The following KCNA2 variants were observed in gnomAD, a reference collection of about 807,000 sequenced individuals.
KCNA2 encodes potassium channel, voltage gated shaker related subfamily A, member 2.
Under a neutral mutation model 33.4 loss-of-function variants are expected in KCNA2, and 11 were observed. The ratio of observed to expected loss-of-function variants is 0.33; its 90% CI spans 0.21 to 0.55. The LOEUF (loss-of-function observed/expected upper bound fraction) is 0.55, where lower values mean the gene tolerates loss of function less well. Ranked by LOEUF, KCNA2 falls within the 20% of genes least tolerant of loss-of-function variation. The pLI is 0.93. For missense variants in KCNA2, 291 were observed against 621.6 expected, an observed-to-expected ratio of 0.47 and a Z score of 5.66; for synonymous variants, 222 against 231.3, an observed-to-expected ratio of 0.96 and a Z score of 0.37.
chr1:110,612,814 G>A (rs971991649), intron 1 of KCNA2, among the ~76,000 whole-genome samples: 1 of 152,218 alleles, frequency 6.6e-6, no homozygotes, highest in African/African-American at 2.4e-5. Context: ...CATCCTGGAA[G>A]TCCACACTGG....
At chr1:110,613,956 C>T (rs1649969094) in intron 1 of KCNA2, among the ~76,000 whole-genome samples, 1 of 152,218 alleles carries the variant, frequency 6.6e-6, no homozygotes, top group African/African-American at 2.4e-5. Context: ...CCAGCTTCTG[C>T]TCACACGTGC....
Position 110,594,223 on chromosome 1 carries a change from C to T in KCNA2, c.*9060G>A. ...TGCACAAGCAGCAAGGAAGCCAGTGCAAACCCTAACTGGAGTCTGTGCTGC... is the reference window on the plus strand; with the variant it reads ...TGCACAAGCAGCAAGGAAGCCAGTGTAAACCCTAACTGGAGTCTGTGCTGC... On this transcript the variant is annotated 3_prime_UTR_variant, in exon 3 of 3. Coordinates refer to ENST00000316361, the MANE Select transcript of KCNA2 (RefSeq NM_004974.4). 8.9e-7 allele frequency: 1 copy of T among 1,119,200 alleles called. No individual in the cohort carries two copies. Among genetic ancestry groups the T allele is most frequent in the Non-Finnish European group, 1.1e-6 (1 of 914,708 alleles). The allele number at this position is 1,119,200 out of a possible 1,614,324, so 69.3% of individuals were successfully genotyped here.
Position 110,603,268 on chromosome 1 carries a change from G to A in KCNA2, c.*15C>T, listed in dbSNP as rs755659928. 20 of 1,586,602 alleles carry A rather than the reference G, an allele frequency of 1.3e-5. No individual in the cohort carries two copies. The highest frequency in any genetic ancestry group is 1.7e-4 in the Middle Eastern group (1 of 5,928). On this transcript the variant is annotated 3_prime_UTR_variant, in exon 3 of 3. Transcript: ENST00000316361. The surrounding 1 kb of genome is among the most constrained non-coding windows in gnomAD (Gnocchi z 5.7). ...ATTAGTTCCATTGAGCTGTGAGTACGGTAATAGGTTTCAATCAGACATCAG... is the reference window on the plus strand; with the variant it reads ...ATTAGTTCCATTGAGCTGTGAGTACAGTAATAGGTTTCAATCAGACATCAG...
At chr1:110,607,552 C>G (rs1198841037), upstream of KCNA2, 1 of 152,244 alleles carries the variant, frequency 6.6e-6, no homozygotes, top group Non-Finnish European at 1.5e-5. Context: ...CGGGCCTCAG[C>G]CCCCGCCCCG....
upstream of KCNA2, among the ~76,000 whole-genome samples, chr1:110,610,432 T>C (rs1649826968): frequency 6.6e-6 from 1 of 152,108 alleles, no homozygotes; most frequent in East Asian, 1.9e-4. Context: ...CAGTCCCCAC[T>C]CACTCACAGG....
Position 110,595,364 on chromosome 1 carries a change from T to A in KCNA2, c.*7919A>T, listed in dbSNP as rs1346760993. The A allele has an allele frequency of 1.2e-5, 12 of 985,288 alleles. No homozygotes were observed. Among genetic ancestry groups the A allele is most frequent in the African/African-American group, 1.7e-5 (1 of 57,210 alleles). The allele number at this position is 985,288 out of a possible 1,614,324, so 61.0% of individuals were successfully genotyped here. A position where few individuals can be genotyped will look rare whatever the true frequency, so the allele number is the denominator to read the frequency against. Reference sequence around the variant, plus strand: ...GAAGTAGCCATCCAGACAGGCCACCTCAACTGCCTCAGTGCACCAGCTGGT... The same window carrying A: ...GAAGTAGCCATCCAGACAGGCCACCACAACTGCCTCAGTGCACCAGCTGGT... On this transcript the variant is annotated 3_prime_UTR_variant, in exon 3 of 3. Coordinates refer to ENST00000316361, the MANE Select transcript of KCNA2 (RefSeq NM_004974.4).
rs530034982 is a variant in KCNA2, at chr1:110,596,552, C to G, written c.*6731G>C. 184 of 220,136 alleles carry G rather than the reference C, an allele frequency of 8.4e-4. 1 individual carries two copies. The Middle Eastern group carries it at 0.014, about 17-fold the overall frequency. The allele number at this position is 220,136 out of a possible 1,614,324, so 13.6% of individuals were successfully genotyped here. ...TGTAGCCAGCAGCCATTCAGCCTGT[C>G]TCTTTGGTCTTCTCTACCTATGTCC... On this transcript the variant is annotated 3_prime_UTR_variant, in exon 3 of 3. Transcript: ENST00000316361.
In KCNA2 at chr1:110,597,363, A is replaced by G; in HGVS notation, c.*5920T>C. On this transcript the variant is annotated 3_prime_UTR_variant, in exon 3 of 3. Transcript: ENST00000316361. ...GTGCTTTCGTGTAGGCTTCCATTAC[A>G]TCTGCCAGACTGAGGGAAAGTCAAC... 1.0e-6 allele frequency: 1 copy of G among 985,370 alleles called. No individual in the cohort carries two copies. The highest frequency in any genetic ancestry group is 1.2e-6 in the Non-Finnish European group (1 of 829,916). The allele number at this position is 985,370 out of a possible 1,614,324, so 61.0% of individuals were successfully genotyped here. A position where few individuals can be genotyped will look rare whatever the true frequency, so the allele number is the denominator to read the frequency against.
chr1:110,593,740 T>C lies in KCNA2; in HGVS notation c.*9543A>G. 3 of 813,906 alleles carry C rather than the reference T, an allele frequency of 3.7e-6. No homozygotes were observed. Among genetic ancestry groups the C allele is most frequent in the Non-Finnish European group, 3.6e-6 (2 of 548,526 alleles). The allele number at this position is 813,906 out of a possible 1,614,324, so 50.4% of individuals were successfully genotyped here. ...CACCCATGATCAGGTGGACAGGCAATGTTCATTGAGGCACATATGTACACA... is the reference window on the plus strand; with the variant it reads ...CACCCATGATCAGGTGGACAGGCAACGTTCATTGAGGCACATATGTACACA... On this transcript the variant is annotated 3_prime_UTR_variant, in exon 3 of 3. Transcript: ENST00000316361.
At chr1:110,628,477 A>T (rs927219112) in intron 1 of KCNA2, among the ~76,000 whole-genome samples, 15 of 152,216 alleles carry the variant, frequency 9.9e-5, no homozygotes, top group Admixed American at 9.8e-4. Flanking sequence ...CAGTACTCAC[A>T]CAAAGCTATT....
At position 110,595,642 on chromosome 1, in the gene KCNA2, A is replaced by G; in HGVS notation, c.*7641T>C. On this transcript the variant is annotated 3_prime_UTR_variant, in exon 3 of 3. Transcript: ENST00000316361. ...AAGAGGGAGAATGAGAGCAGGTTTT[A>G]GCTTGCATCCAGCTGTTTCTTGAGT... 4.1e-6 allele frequency: 4 copies of G among 985,456 alleles called. No homozygotes were observed. The highest frequency in any genetic ancestry group is 4.8e-6 in the Non-Finnish European group (4 of 829,948). The allele number at this position is 985,456 out of a possible 1,614,324, so 61.0% of individuals were successfully genotyped here. A position where few individuals can be genotyped will look rare whatever the true frequency, so the allele number is the denominator to read the frequency against.
At position 110,597,722 on chromosome 1, in the gene KCNA2, ACTAT is replaced by A. The variant is rs1189201499; in HGVS notation, c.*5557_*5560del. On this transcript the variant is annotated 3_prime_UTR_variant, in exon 3 of 3. Coordinates refer to ENST00000316361, the MANE Select transcript of KCNA2 (RefSeq NM_004974.4). The stretch of plus-strand genomic sequence containing the variant: ...AAGGGCATTATCTGATAATCCAGGT[ACTAT>A]CTATCACTTTTCAGTCCTGAGAGCA... 7.1e-6 allele frequency: 7 copies of A among 985,260 alleles called. No homozygotes were observed. Among genetic ancestry groups the A allele is most frequent in the South Asian group, 9.4e-5 (2 of 21,284 alleles). The allele number at this position is 985,260 out of a possible 1,614,324, so 61.0% of individuals were successfully genotyped here. A position where few individuals can be genotyped will look rare whatever the true frequency, so the allele number is the denominator to read the frequency against.
chr1:110,618,657 C>A (rs1650150476), intron 1 of KCNA2, among the ~76,000 whole-genome samples: 1 of 152,170 alleles, frequency 6.6e-6, no homozygotes, highest in Non-Finnish European at 1.5e-5. Flanking sequence ...GTCTAATTGG[C>A]AGCTCAAACA....
intron 1 of KCNA2, among the ~76,000 whole-genome samples, chr1:110,626,303 A>G (rs1650389088): frequency 6.6e-6 from 1 of 152,228 alleles, no homozygotes; most frequent in Admixed American, 6.5e-5. Context: ...ATGTTTTGAT[A>G]CAGAAAAAAG....
chr1:110,597,702 C>A lies in KCNA2; in HGVS notation c.*5581G>T, dbSNP rs571440897. 1 of 985,388 alleles carries A rather than the reference C, an allele frequency of 1.0e-6. No individual in the cohort carries two copies. Among genetic ancestry groups the A allele is most frequent in the Non-Finnish European group, 1.2e-6 (1 of 829,920 alleles). The allele number at this position is 985,388 out of a possible 1,614,324, so 61.0% of individuals were successfully genotyped here. On this transcript the variant is annotated 3_prime_UTR_variant, in exon 3 of 3. Coordinates refer to ENST00000316361, the MANE Select transcript of KCNA2 (RefSeq NM_004974.4). Reference sequence around the variant, plus strand: ...TGAATGAGCCCCCAGAAGTCAAGGGCATTATCTGATAATCCAGGTACTATC... The same window carrying A: ...TGAATGAGCCCCCAGAAGTCAAGGGAATTATCTGATAATCCAGGTACTATC...
Position 110,600,532 on chromosome 1 carries a change from G to C in KCNA2, c.*2751C>G, listed in dbSNP as rs1649295220. On this transcript the variant is annotated 3_prime_UTR_variant, in exon 3 of 3. Transcript: ENST00000316361. ...GTTTGCTTTTATGTTAACCTGGTCTGTCTGTATTTTGCACGTTACATGTTT... is the reference window on the plus strand; with the variant it reads ...GTTTGCTTTTATGTTAACCTGGTCTCTCTGTATTTTGCACGTTACATGTTT... The C allele has an allele frequency of 1.1e-5, 11 of 985,130 alleles. No individual in the cohort carries two copies. Among genetic ancestry groups the C allele is most frequent in the Non-Finnish European group, 1.3e-5 (11 of 829,834 alleles). The allele number at this position is 985,130 out of a possible 1,614,324, so 61.0% of individuals were successfully genotyped here.
At chr1:110,607,406 AGCC>A (rs1483853340), upstream of KCNA2, 1 of 150,614 alleles carries the variant, frequency 6.6e-6, no homozygotes, top group Non-Finnish European at 1.5e-5. Flanking sequence ...CGCCGCCCGC[AGCC>A]GCACCGCGCC....
intron 1 of KCNA2, among the ~76,000 whole-genome samples, chr1:110,625,834 T>A (rs1046244507): frequency 4.6e-5 from 7 of 152,324 alleles, no homozygotes; most frequent in Non-Finnish European, 8.8e-5. Flanking sequence ...CTCCTTAATA[T>A]GTGAAAAGAT....
rs1287514867 is a variant in KCNA2 at position 110,594,126 on chromosome 1, G to T, written c.*9157C>A. Reference sequence around the variant, plus strand: ...TCCTTCTGCTATTGATCCCAAGGAGGCTTATTTATCTACCTCTTTGAGTTT... The same window carrying T: ...TCCTTCTGCTATTGATCCCAAGGAGTCTTATTTATCTACCTCTTTGAGTTT... On this transcript the variant is annotated 3_prime_UTR_variant, in exon 3 of 3. Transcript: ENST00000316361. 11 of 1,377,686 alleles carry T rather than the reference G, an allele frequency of 8.0e-6. No individual in the cohort carries two copies. Among genetic ancestry groups the T allele is most frequent in the Non-Finnish European group, 1.0e-5 (11 of 1,070,478 alleles). 85.3% of individuals were successfully genotyped at this position (1,377,686 alleles called of 1,614,324 possible). A position where few individuals can be genotyped will look rare whatever the true frequency, so the allele number is the denominator to read the frequency against.
Sources: allele counts gnomAD v4.1 joint callset (sites outside exome capture counted in the v4.1 genomes callset), GRCh38; gene constraint gnomAD v4.1.1; non-coding constraint Gnocchi (gnomAD v3.1); transcripts MANE v1.5; gene names NCBI Gene and HGNC (gene_info 2026-07-23, HGNC 2026-07-21).